The following CADM2 variants were observed in gnomAD, a reference collection of about 807,000 sequenced individuals.
CADM2 encodes the protein immunoglobulin superfamily member 4D.
Under a neutral mutation model 49.8 loss-of-function variants are expected in CADM2, and 12 were observed. The ratio of observed to expected loss-of-function variants is 0.24; its 90% CI spans 0.15 to 0.39. The LOEUF is 0.39. Among genes scored for constraint, CADM2 ranks in the 10% least tolerant of loss-of-function variants. CADM2 has a pLI of 1.00. For synonymous variants in CADM2, 214 were observed against 175.4 expected (o/e 1.22, Z -1.74); for missense variants, 378 against 492.3 (o/e 0.77, Z 2.20).
At chr3:85,241,554 A>G (rs2042529092) in intron 1 of CADM2, among the ~76,000 whole-genome samples, 1 of 151,642 alleles carries the variant, frequency 6.6e-6, no homozygotes, top group South Asian at 2.1e-4. Flanking sequence ...TTATTGTTTA[A>G]GAATGGAAAA....
At chr3:85,884,775 A>G (rs1713323198) in intron 4 of CADM2, among the ~76,000 whole-genome samples, 1 of 143,592 alleles carries the variant, frequency 7.0e-6, no homozygotes, top group African/African-American at 2.6e-5. Flanking sequence ...GCCTGGCTGG[A>G]GTGCAGTGGC....
At chr3:85,595,348 G>A (rs942577743) in intron 1 of CADM2, among the ~76,000 whole-genome samples, 1 of 151,962 alleles carries the variant, frequency 6.6e-6, no homozygotes, top group Non-Finnish European at 1.5e-5. Flanking sequence ...TATGACTTCT[G>A]ATATTATCCA....
intron 1 of CADM2, among the ~76,000 whole-genome samples, chr3:85,343,096 C>A (rs1254023792): frequency 1.3e-5 from 2 of 152,114 alleles, no homozygotes; most frequent in East Asian, 3.9e-4. Flanking sequence ...CATTGTCACG[C>A]TGAAAATGGT....
At chr3:85,522,903 A>C (rs188098483) in intron 1 of CADM2, among the ~76,000 whole-genome samples, 1 of 151,940 alleles carries the variant, frequency 6.6e-6, no homozygotes, top group Non-Finnish European at 1.5e-5. Flanking sequence ...TTAGGGATTT[A>C]GTATGAGAAA....
chr3:85,402,165 A>C (rs2035145602), intron 1 of CADM2, among the ~76,000 whole-genome samples: 1 of 152,120 alleles, frequency 6.6e-6, no homozygotes, highest in South Asian at 2.1e-4. Flanking sequence ...ATAGATTTAA[A>C]ACAATAAAGA....
chr3:85,691,696 T>C (rs1223617580), intron 1 of CADM2, among the ~76,000 whole-genome samples: 1 of 152,116 alleles, frequency 6.6e-6, no homozygotes, highest in East Asian at 1.9e-4. Context: ...TGCGGCACTA[T>C]TCACAATAGC....
chr3:85,409,315 G>A (rs957577139), intron 1 of CADM2, among the ~76,000 whole-genome samples: 3 of 152,010 alleles, frequency 2.0e-5, no homozygotes, highest in African/African-American at 7.2e-5. Flanking sequence ...CAAAAGAAGA[G>A]TATAGCTAAT....
At chr3:85,700,080 C>A (rs2066704121) in intron 1 of CADM2, among the ~76,000 whole-genome samples, 1 of 152,138 alleles carries the variant, frequency 6.6e-6, no homozygotes, top group African/African-American at 2.4e-5. Context: ...GACTTGGAAC[C>A]AACCCAAACA....
chr3:85,495,848 G>A (rs2039866256), intron 1 of CADM2, among the ~76,000 whole-genome samples: 1 of 152,050 alleles, frequency 6.6e-6, no homozygotes, highest in Non-Finnish European at 1.5e-5. Context: ...CCATTCATGA[G>A]GGATCCATCC....
chr3:85,599,452 C>T (rs2063335212), intron 1 of CADM2, among the ~76,000 whole-genome samples: 1 of 151,960 alleles, frequency 6.6e-6, no homozygotes, highest in South Asian at 2.1e-4. Flanking sequence ...GGTAGCAGAG[C>T]TCGAACTCTG....
intron 8 of CADM2, among the ~76,000 whole-genome samples, chr3:85,966,907 G>A (rs986055306): frequency 6.6e-6 from 1 of 151,542 alleles, no homozygotes; most frequent in African/African-American, 2.4e-5. Flanking sequence ...TAGTTGGTAG[G>A]ATACATTATT....
intron 2 of CADM2, 82 bp downstream of exon 2, chr3:85,726,630 A>G (rs1471210340): frequency 2.8e-6 from 3 of 1,082,532 alleles, no homozygotes; most frequent in East Asian, 2.4e-5. Flanking sequence ...TGATAGAACC[A>G]ATTCGGTTGG....
chr3:85,934,976 G>A (rs1721028636), intron 6 of CADM2, among the ~76,000 whole-genome samples: 1 of 151,850 alleles, frequency 6.6e-6, no homozygotes. Context: ...GAAAGAATGT[G>A]TTAATATCGT....
At chr3:85,947,646 A>G (rs1559760130) in intron 7 of CADM2, among the ~76,000 whole-genome samples, 1 of 151,642 alleles carries the variant, frequency 6.6e-6, no homozygotes, top group East Asian at 2.0e-4. Context: ...TTCAAAATTT[A>G]ATCACACATT....
chr3:85,002,207 T>C (rs2033497714), intron 1 of CADM2, among the ~76,000 whole-genome samples: 1 of 152,148 alleles, frequency 6.6e-6, no homozygotes, highest in Non-Finnish European at 1.5e-5. Flanking sequence ...GCCATGTTCT[T>C]TGCTCCCTTT....
At chr3:85,941,352 A>G (rs560303711) in intron 7 of CADM2, among the ~76,000 whole-genome samples, 1 of 152,218 alleles carries the variant, frequency 6.6e-6, no homozygotes, top group Non-Finnish European at 1.5e-5. Context: ...ATGGAATCCA[A>G]GATTTCAAGC....
At chr3:85,843,393 C>T (rs1390297618) in intron 3 of CADM2, among the ~76,000 whole-genome samples, 1 of 151,882 alleles carries the variant, frequency 6.6e-6, no homozygotes, top group African/African-American at 2.4e-5. Flanking sequence ...AACCCCGCCC[C>T]CCAACCTTTT....
At chr3:85,504,973 C>T (rs1427657584) in intron 1 of CADM2, among the ~76,000 whole-genome samples, 1 of 152,110 alleles carries the variant, frequency 6.6e-6, no homozygotes, top group African/African-American at 2.4e-5. Flanking sequence ...GCTTCGCGTG[C>T]GGGGCCCGCC....
At chr3:85,166,558 A>G (rs1023465366) in intron 1 of CADM2, among the ~76,000 whole-genome samples, 3 of 151,928 alleles carry the variant, frequency 2.0e-5, no homozygotes, top group Non-Finnish European at 4.4e-5. Context: ...GCTAAGGAAG[A>G]ACTAACATCT....
Sources: allele counts gnomAD v4.1 joint callset (sites outside exome capture counted in the v4.1 genomes callset), GRCh38; gene constraint gnomAD v4.1.1; transcripts MANE v1.5; gene names NCBI Gene and HGNC (gene_info 2026-07-23, HGNC 2026-07-21).